The following NECTIN2 variants were observed in gnomAD, a reference collection of about 807,000 sequenced individuals.
NECTIN2 encodes the protein nectin-2.
Under a neutral mutation model 56.9 loss-of-function variants are expected in NECTIN2, and 23 were observed. The observed-to-expected ratio is 0.40, with a 90% confidence interval of 0.29 to 0.57. The LOEUF (loss-of-function observed/expected upper bound fraction) is 0.57. Among genes scored for constraint, NECTIN2 ranks in the 20% least tolerant of loss-of-function variants. The probability of loss-of-function intolerance (pLI) is 0.38; values close to 1 mark genes in which losing one functional copy is unlikely to be tolerated. For missense variants in NECTIN2, 587 were observed against 718.3 expected, an observed-to-expected ratio of 0.82 and a Z score of 2.09; for synonymous variants, 302 against 313.8, an observed-to-expected ratio of 0.96 and a Z score of 0.40.
intron 1 of NECTIN2, among the ~76,000 whole-genome samples, chr19:44,864,412 T>G (rs1969072346): frequency 6.6e-6 from 1 of 152,212 alleles, no homozygotes; most frequent in Non-Finnish European, 1.5e-5. Context: ...AGGCTGTTCT[T>G]GAACTCCTAG....
At chr19:44,847,323 C>A (rs1211769435) in intron 1 of NECTIN2, among the ~76,000 whole-genome samples, 2 of 152,102 alleles carry the variant, frequency 1.3e-5, no homozygotes, top group African/African-American at 4.8e-5. Flanking sequence ...GGCGCTAAGT[C>A]TAACTGGGAT....
At chr19:44,871,758 C>G in intron 2 of NECTIN2, 95 bp from the exon 3 acceptor site, 1 of 1,371,580 alleles carries the variant, frequency 7.3e-7, no homozygotes, top group Non-Finnish European at 9.9e-7. Flanking sequence ...ATTGGAACCC[C>G]GGCAGTTAGG....
chr19:44,873,041 G>A (rs1427372759), intron 3 of NECTIN2, among the ~76,000 whole-genome samples: 6 of 151,564 alleles, frequency 4.0e-5, no homozygotes, highest in Non-Finnish European at 8.8e-5. Flanking sequence ...ATGTTACCCA[G>A]AGAGGCCACC....
chr19:44,874,462 G>C lies in NECTIN2; in HGVS notation c.1026G>C (p.Gln342His). 6.2e-7 allele frequency: 1 copy of C among 1,613,830 alleles called. No individual in the cohort carries two copies. The highest frequency in any genetic ancestry group is 8.5e-7 in the Non-Finnish European group (1 of 1,180,030). ...TNAVGMGRAE[Q>H]VIFVRETPNT... ...CCGTGGGCATGGGCCGCGCTGAGCAGGTCATCTTTGTCCGAGGTGAGTGGG... is the reference window on the plus strand; with the variant it reads ...CCGTGGGCATGGGCCGCGCTGAGCACGTCATCTTTGTCCGAGGTGAGTGGG... Residue 342 changes from glutamine to histidine, a missense_variant, in exon 5 of 9, where the codon CAG becomes CAC. Gln to His is a conservative substitution (Grantham distance 24). Coordinates refer to ENST00000252483, the MANE Select transcript of NECTIN2 (RefSeq NM_001042724.2). This position sits in a 1 kb window ranked among gnomAD's most constrained non-coding sequence, Gnocchi z 6.3.
chr19:44,871,436 G>A (rs192075979), intron 2 of NECTIN2, among the ~76,000 whole-genome samples: 112 of 152,258 alleles, frequency 7.4e-4, no homozygotes, highest in African/African-American at 2.5e-3. Flanking sequence ...GCCAAGGCGG[G>A]AGGATCACTT....
Position 44,846,575 on chromosome 19 carries a change from T to C in NECTIN2, c.50T>C (p.Leu17Pro). ...CCGTCGAGATCGCCGCCGACGCCGC[T>C]GCTGTGGCCGCTGCTGCTGCTGCTG... Reference protein sequence around the residue: ...LLPSRSPPTPLLWPLLLLLLL... With the variant: ...LLPSRSPPTPPLWPLLLLLLL... Residue 17 changes from leucine to proline, a missense_variant, in exon 1 of 9, where the codon CTG (leucine) becomes CCG (proline). Coordinates refer to ENST00000252483, the MANE Select transcript of NECTIN2 (RefSeq NM_001042724.2). The C allele has an allele frequency of 1.3e-6, 2 of 1,524,820 alleles. No individual in the cohort carries two copies. The highest frequency in any genetic ancestry group is 1.8e-6 in the Non-Finnish European group (2 of 1,142,708). 94.5% of individuals were successfully genotyped at this position (1,524,820 alleles called of 1,614,324 possible).
intron 3 of NECTIN2, among the ~76,000 whole-genome samples, chr19:44,872,637 CCATGTCCA>C (rs1438689815): frequency 6.6e-6 from 1 of 151,904 alleles, no homozygotes; most frequent in Non-Finnish European, 1.5e-5. Context: ...TCATGCTGGG[CCATGTCCA>C]CATGTCTACA....
At chr19:44,856,038 C>T (rs368749641) in intron 1 of NECTIN2, among the ~76,000 whole-genome samples, 128 of 152,318 alleles carry the variant, frequency 8.4e-4, no homozygotes, top group African/African-American at 3.0e-3. Flanking sequence ...CAGTGGCTCA[C>T]GCCTATAATC....
intron 3 of NECTIN2, among the ~76,000 whole-genome samples, chr19:44,873,027 C>T (rs519113): frequency 2.0e-5 from 3 of 151,298 alleles, no homozygotes; most frequent in Non-Finnish European, 2.9e-5. Context: ...ACTCACACCT[C>T]GTAATGTTAC....
intron 1 of NECTIN2, among the ~76,000 whole-genome samples, chr19:44,859,358 T>C (rs1969005728): frequency 6.6e-6 from 1 of 152,168 alleles, no homozygotes; most frequent in African/African-American, 2.4e-5. Flanking sequence ...GCAGGCACTA[T>C]TATTAACCTC....
At chr19:44,879,034 T>A in intron 5 of NECTIN2, 1 of 577,202 alleles carries the variant, frequency 1.7e-6, no homozygotes, top group Non-Finnish European at 2.2e-6. Flanking sequence ...TGGGAAGAGC[T>A]GATCCACGCC....
At chr19:44,853,360 C>A (rs1317340903) in intron 1 of NECTIN2, among the ~76,000 whole-genome samples, 1 of 151,856 alleles carries the variant, frequency 6.6e-6, no homozygotes, top group Admixed American at 6.6e-5. Context: ...CCACGCCCAG[C>A]TAATTTTTAT....
intron 3 of NECTIN2, 92 bp downstream of exon 3, chr19:44,872,241 C>T (rs907139191): frequency 1.8e-5 from 26 of 1,448,724 alleles, no homozygotes; most frequent in African/African-American, 5.6e-5. Context: ...ATGTTGTCTA[C>T]GTGGGTTCCC....
chr19:44,868,338 C>T (rs1196766377), intron 2 of NECTIN2, among the ~76,000 whole-genome samples: 3 of 137,204 alleles, frequency 2.2e-5, no homozygotes, highest in South Asian at 4.6e-4. Context: ...CACTCCAGCA[C>T]GAGACCCTGT....
chr19:44,884,413 C>A (rs1969338422), intron 6 of NECTIN2, among the ~76,000 whole-genome samples: 1 of 152,124 alleles, frequency 6.6e-6, no homozygotes. Flanking sequence ...CCTCAGCCTC[C>A]CAAAGTGCTC....
intron 1 of NECTIN2, among the ~76,000 whole-genome samples, chr19:44,857,464 C>A (rs1438219527): frequency 6.6e-6 from 1 of 151,720 alleles, no homozygotes; most frequent in Non-Finnish European, 1.5e-5. Context: ...TGTAGTGGCA[C>A]AATCTCTGCT....
chr19:44,884,961 G>T (rs973058197), intron 6 of NECTIN2, among the ~76,000 whole-genome samples: 7 of 151,980 alleles, frequency 4.6e-5, no homozygotes, highest in Non-Finnish European at 7.4e-5. Context: ...CCTTGCTGAC[G>T]ACCCAGATCT....
At chr19:44,855,414 G>A (rs1968954986) in intron 1 of NECTIN2, among the ~76,000 whole-genome samples, 1 of 151,714 alleles carries the variant, frequency 6.6e-6, no homozygotes, top group Non-Finnish European at 1.5e-5. Context: ...GAAAGAGTGA[G>A]AATCTGTCTC....
intron 8 of NECTIN2, 56 bp from the exon 9 acceptor site, chr19:44,888,054 A>C: frequency 6.4e-7 from 1 of 1,561,554 alleles, no homozygotes; most frequent in South Asian, 1.2e-5. Flanking sequence ...GCAGATTGGT[A>C]ATCTGTGTCG....
Sources: gnomAD v4.1 joint callset for allele counts (sites outside exome capture counted in the v4.1 genomes callset) on GRCh38, gnomAD v4.1.1 for gene constraint, Gnocchi (gnomAD v3.1) non-coding constraint, MANE v1.5 for transcripts, NCBI Gene and HGNC (gene_info 2026-07-23, HGNC 2026-07-21) for gene names.